The following SCARA5 variants were observed in gnomAD, a reference collection of about 807,000 sequenced individuals.
SCARA5 encodes scavenger receptor class A member 5.
Under a neutral mutation model 46.3 loss-of-function variants are expected in SCARA5, and 45 were observed. The ratio of observed to expected loss-of-function variants is 0.97; its 90% confidence interval spans 0.76 to 1.24. SCARA5 has a LOEUF of 1.24. Ranked by LOEUF, SCARA5 falls within the 50% of genes most tolerant of loss-of-function variation. SCARA5 has a pLI of 0.00. For synonymous variants in SCARA5, 333 were observed against 306.5 expected, an observed-to-expected ratio of 1.09 and a Z score of -0.90; for missense variants, 680 against 689.0, an observed-to-expected ratio of 0.99 and a Z score of 0.15.
At chr8:27,902,377 C>G (rs1807170127) in intron 7 of SCARA5, among the ~76,000 whole-genome samples, 1 of 152,162 alleles carries the variant, frequency 6.6e-6, no homozygotes, top group African/African-American at 2.4e-5. Context: ...GCTCTCACCT[C>G]CCTGCACCGT....
chr8:27,982,676 C>T (rs1808641616), intron 2 of SCARA5, among the ~76,000 whole-genome samples: 1 of 152,132 alleles, frequency 6.6e-6, no homozygotes, highest in Non-Finnish European at 1.5e-5. Context: ...GGTGGCCCCG[C>T]CCAGGCATGC....
rs547943740 is a variant in SCARA5, at chr8:27,936,519, G to T, written c.242-14274C>A. 4.9e-5 allele frequency among the ~76,000 whole-genome samples: 7 copies of T among 142,176 alleles called. No individual in the cohort carries two copies. The East Asian group carries it at 1.3e-3, about 26-fold the overall frequency. 93.3% of individuals were successfully genotyped at this position (142,176 alleles called of 152,430 possible). ...CAGGAGAATCGCTTGAACCCGGGAGGCAGAGGTTGCAGTGAGCCGAGATCA... is the reference window on the plus strand; with the variant it reads ...CAGGAGAATCGCTTGAACCCGGGAGTCAGAGGTTGCAGTGAGCCGAGATCA... On this transcript the variant is annotated intron_variant, in intron 3 of 8. Transcript: ENST00000354914.
intron 4 of SCARA5, among the ~76,000 whole-genome samples, chr8:27,919,779 T>G (rs755159978): frequency 6.6e-6 from 1 of 151,484 alleles, no homozygotes. Flanking sequence ...TATGGAAGCT[T>G]CCCAAATCTC....
intron 2 of SCARA5, among the ~76,000 whole-genome samples, chr8:27,975,478 G>A (rs943025278): frequency 2.0e-5 from 3 of 151,304 alleles, no homozygotes; most frequent in African/African-American, 7.3e-5. Context: ...GTGCGGGGTG[G>A]GAGCAGTCTT....
chr8:27,902,092 G>C (rs2129738139), intron 7 of SCARA5, among the ~76,000 whole-genome samples: 1 of 152,316 alleles, frequency 6.6e-6, no homozygotes, highest in African/African-American at 2.4e-5. Context: ...TGCCTCTGGA[G>C]ACTACTGGGG....
chr8:27,908,112 G>A (rs2726989), intron 5 of SCARA5, among the ~76,000 whole-genome samples: 80,634 of 146,362 alleles, frequency 0.55, 23,052 homozygotes, highest in Non-Finnish European at 0.63. Context: ...GGTCAGCATC[G>A]CTTCATGCTG....
At position 27,871,690 on chromosome 8, in the gene SCARA5, T is replaced by G. The variant is rs1806640400; in HGVS notation, c.*244A>C. The G allele has an allele frequency of 1.5e-6, 2 of 1,379,148 alleles. No homozygotes were observed. The highest frequency in any genetic ancestry group is 3.0e-5 in the Admixed American group (1 of 33,256). 85.4% of individuals were successfully genotyped at this position (1,379,148 alleles called of 1,614,324 possible). ...AAGTGGTGATCCAGTTGATCAGGGC[T>G]CCTCATGCAGGAACCTGGTGGAAGA... On this transcript the variant is annotated 3_prime_UTR_variant, in exon 9 of 9. Transcript: ENST00000354914.
chr8:27,937,090 T>G (rs1807869159), intron 3 of SCARA5, among the ~76,000 whole-genome samples: 1 of 152,204 alleles, frequency 6.6e-6, no homozygotes, highest in Non-Finnish European at 1.5e-5. Flanking sequence ...TAAGTAGCAT[T>G]CGAGACTTGC....
chr8:27,948,283 C>G (rs1563535363), intron 3 of SCARA5, among the ~76,000 whole-genome samples: 1 of 152,146 alleles, frequency 6.6e-6, no homozygotes, highest in Non-Finnish European at 1.5e-5. Context: ...GAGGGTCTGG[C>G]TGCTCCAGGC....
rs557790621 is a variant in SCARA5, at chr8:27,926,274, A to T, written c.242-4029T>A. 3.9e-5 allele frequency among the ~76,000 whole-genome samples: 6 copies of T among 152,356 alleles called. No individual in the cohort carries two copies. The East Asian group carries it at 7.7e-4, about 20-fold the overall frequency. On this transcript the variant is annotated intron_variant, in intron 3 of 8. Transcript: ENST00000354914. ...ATGGAATACTATGCAGCCATAAAAA[A>T]GGATGAGTTCATGTCCTTTGCAGGG...
At chr8:27,907,572 CT>C (rs144977060) in intron 5 of SCARA5, among the ~76,000 whole-genome samples, 50,322 of 96,754 alleles carry the variant, frequency 0.52, 11,627 homozygotes, top group Middle Eastern at 0.6. Context: ...TCAGCAAACA[CT>C]TTTTTTTTTT....
At chr8:27,953,915 G>A (rs561257737) in intron 3 of SCARA5, among the ~76,000 whole-genome samples, 1 of 152,284 alleles carries the variant, frequency 6.6e-6, no homozygotes, top group Non-Finnish European at 1.5e-5. Flanking sequence ...CCAGAAAGTC[G>A]GGGTCTGCAT....
chr8:27,885,409 G>A (rs921756619), intron 7 of SCARA5, among the ~76,000 whole-genome samples: 2 of 152,140 alleles, frequency 1.3e-5, no homozygotes, highest in African/African-American at 4.8e-5. Flanking sequence ...TTATAGCTTT[G>A]TGTCATAATT....
At chr8:27,979,203 C>T (rs1010169375) in intron 2 of SCARA5, among the ~76,000 whole-genome samples, 1 of 152,214 alleles carries the variant, frequency 6.6e-6, no homozygotes, top group Non-Finnish European at 1.5e-5. Context: ...GATGTGACTT[C>T]CCACTCGCTC....
At chr8:27,981,229 C>A (rs1223278880) in intron 2 of SCARA5, among the ~76,000 whole-genome samples, 1 of 152,208 alleles carries the variant, frequency 6.6e-6, no homozygotes, top group Non-Finnish European at 1.5e-5. Flanking sequence ...AAGGCTCCCT[C>A]AGATTAGGAC....
intron 3 of SCARA5, among the ~76,000 whole-genome samples, chr8:27,924,950 A>T (rs1326664674): frequency 1.3e-5 from 2 of 152,348 alleles, no homozygotes; most frequent in Middle Eastern, 3.4e-3. Context: ...GGACCTCTTC[A>T]AGGAGAACTG....
intron 7 of SCARA5, among the ~76,000 whole-genome samples, chr8:27,896,157 A>G (rs961497929): frequency 3.3e-5 from 5 of 152,214 alleles, no homozygotes; most frequent in African/African-American, 1.2e-4. Flanking sequence ...GAAATGCTGG[A>G]GAGCCAGGAG....
chr8:27,879,472 C>T (rs1422508254), intron 8 of SCARA5, 97 bp downstream of exon 8: 3 of 1,228,576 alleles, frequency 2.4e-6, no homozygotes, highest in Admixed American at 1.8e-5. Flanking sequence ...GGGGACCTCG[C>T]GGAATTGCAG....
chr8:27,968,503 G>A (rs563603310), intron 2 of SCARA5, among the ~76,000 whole-genome samples: 53 of 152,284 alleles, frequency 3.5e-4, no homozygotes, highest in African/African-American at 1.2e-3. Context: ...TAAATATGTA[G>A]GCTCCTGGTA....
Sources: allele counts gnomAD v4.1 joint callset (sites outside exome capture counted in the v4.1 genomes callset), GRCh38; gene constraint gnomAD v4.1.1; transcripts MANE v1.5; gene names NCBI Gene and HGNC (gene_info 2026-07-23, HGNC 2026-07-21).